Variants in ASIC2 observed in about 807,000 individuals in gnomAD.
The protein encoded by ASIC2 is acid-sensing ion channel 2.
A neutral mutation model predicts 57.3 loss-of-function variants in ASIC2; 25 were observed. The observed-to-expected ratio is 0.44, with a 90% CI of 0.32 to 0.61. The LOEUF (loss-of-function observed/expected upper bound fraction) is 0.61, where lower values mean the gene tolerates loss of function less well. Among genes scored for constraint, ASIC2 ranks in the 20% least tolerant of loss-of-function variants. The pLI, the probability that ASIC2 is intolerant of heterozygous loss-of-function variation, is 0.06. For missense variants in ASIC2, 641 were observed against 738.1 expected, an observed-to-expected ratio of 0.87 and a Z score of 1.52; for synonymous variants, 319 against 307.5, an observed-to-expected ratio of 1.04 and a Z score of -0.39.
At chr17:33,480,074 TCTA>T (rs2141926117) in intron 1 of ASIC2, among the ~76,000 whole-genome samples, 1 of 152,280 alleles carries the variant, frequency 6.6e-6, no homozygotes, top group East Asian at 1.9e-4. Flanking sequence ...TCCACCCATG[TCTA>T]AAACAAATCT....
chr17:33,693,916 C>T (rs1017207152), intron 1 of ASIC2, among the ~76,000 whole-genome samples: 4 of 152,188 alleles, frequency 2.6e-5, no homozygotes, highest in South Asian at 2.1e-4. Context: ...TCTAGTGTCA[C>T]GACCAATTTG....
intron 1 of ASIC2, among the ~76,000 whole-genome samples, chr17:33,916,695 G>T (rs1915592791): frequency 6.6e-6 from 1 of 152,180 alleles, no homozygotes; most frequent in African/African-American, 2.4e-5. Flanking sequence ...TGGGGGTAAA[G>T]GATGCAAAGA....
intron 1 of ASIC2, among the ~76,000 whole-genome samples, chr17:33,351,549 A>G (rs1021828742): frequency 6.6e-6 from 1 of 151,988 alleles, no homozygotes; most frequent in African/African-American, 2.4e-5. Context: ...TCCATGGGAT[A>G]CTCCCTCAAA....
chr17:33,781,334 C>T (rs756234024), intron 1 of ASIC2, among the ~76,000 whole-genome samples: 2 of 152,176 alleles, frequency 1.3e-5, no homozygotes, highest in African/African-American at 4.8e-5. Context: ...TTTTGTTTTG[C>T]TCAGGTGTCT....
At chr17:33,217,000 G>C (rs1907514773) in intron 1 of ASIC2, among the ~76,000 whole-genome samples, 1 of 152,202 alleles carries the variant, frequency 6.6e-6, no homozygotes, top group Non-Finnish European at 1.5e-5. Context: ...AAATTAATTG[G>C]ATGTGGAGGG....
At chr17:34,047,197 C>A (rs1597992332) in intron 1 of ASIC2, among the ~76,000 whole-genome samples, 1 of 152,152 alleles carries the variant, frequency 6.6e-6, no homozygotes, top group African/African-American at 2.4e-5. Flanking sequence ...CAGGGCTACC[C>A]ATTCACACAT....
chr17:33,727,692 C>A (rs866670329), intron 1 of ASIC2, among the ~76,000 whole-genome samples: 1 of 152,196 alleles, frequency 6.6e-6, no homozygotes, highest in East Asian at 1.9e-4. Flanking sequence ...CAGAAGCCAA[C>A]GGATGGCCAG....
At chr17:33,878,580 G>A (rs963759678) in intron 1 of ASIC2, among the ~76,000 whole-genome samples, 8 of 152,054 alleles carry the variant, frequency 5.3e-5, no homozygotes, top group South Asian at 4.2e-4. Context: ...AGAAATGAAC[G>A]AAGCCTCCAA....
intron 1 of ASIC2, among the ~76,000 whole-genome samples, chr17:33,249,022 G>A (rs1201254686): frequency 6.6e-6 from 1 of 152,190 alleles, no homozygotes; most frequent in Non-Finnish European, 1.5e-5. Context: ...GTAATGCATA[G>A]TGATGGTTTA....
intron 1 of ASIC2, among the ~76,000 whole-genome samples, chr17:33,857,930 C>T (rs1209997229): frequency 6.6e-6 from 1 of 152,216 alleles, no homozygotes; most frequent in Non-Finnish European, 1.5e-5. Context: ...TGAGCAGACG[C>T]CTGTTCACAG....
chr17:33,127,024 C>T (rs1046628499), intron 1 of ASIC2, among the ~76,000 whole-genome samples: 6 of 150,598 alleles, frequency 4.0e-5, no homozygotes, highest in Admixed American at 6.6e-5. Context: ...CCCGCCACCG[C>T]GCCCGGCTAA....
rs140238763 is a variant in ASIC2, at chr17:33,331,987, C to T, written c.556-219920G>A. On this transcript the variant is annotated intron_variant, in intron 1 of 9. Coordinates refer to the ASIC2 transcript ENST00000359872. ...TCCCTGGACCAACTGAATCAGGGCCCCTGGGGCATACATCATAGAACATTA... is the reference window on the plus strand; with the variant it reads ...TCCCTGGACCAACTGAATCAGGGCCTCTGGGGCATACATCATAGAACATTA... Among the ~76,000 whole-genome samples, 861 of 152,306 alleles carry T rather than the reference C, an allele frequency of 5.7e-3. 11 individuals are homozygous for T. The highest frequency in any genetic ancestry group is 0.02 in the African/African-American group (820 of 41,572).
intron 1 of ASIC2, among the ~76,000 whole-genome samples, chr17:33,876,370 T>C (rs575576408): frequency 6.6e-6 from 1 of 152,202 alleles, no homozygotes; most frequent in Non-Finnish European, 1.5e-5. Context: ...GGTCACTTGG[T>C]GCATGATGTG....
At chr17:33,849,692 A>G (rs776456306) in intron 1 of ASIC2, among the ~76,000 whole-genome samples, 27 of 152,184 alleles carry the variant, frequency 1.8e-4, no homozygotes, top group Non-Finnish European at 3.2e-4. Flanking sequence ...ATTCTGGAAG[A>G]CTGCATCAGA....
At chr17:33,539,453 G>C (rs910549141) in intron 1 of ASIC2, among the ~76,000 whole-genome samples, 1 of 152,242 alleles carries the variant, frequency 6.6e-6, no homozygotes, top group Non-Finnish European at 1.5e-5. Context: ...GGGCAGGAAA[G>C]CTGGAAGCAT....
intron 1 of ASIC2, among the ~76,000 whole-genome samples, chr17:33,410,067 G>A (rs951516293): frequency 2.0e-5 from 3 of 152,214 alleles, no homozygotes; most frequent in Non-Finnish European, 1.5e-5. Flanking sequence ...GAAATTGGCA[G>A]ATGGTCAGCC....
chr17:33,443,141 T>C (rs1358733142), intron 1 of ASIC2, among the ~76,000 whole-genome samples: 2 of 152,230 alleles, frequency 1.3e-5, no homozygotes, highest in Non-Finnish European at 2.9e-5. Context: ...CCTTCTTATA[T>C]GTTGATGAAT....
At chr17:33,240,203 T>C (rs1239041479) in intron 1 of ASIC2, among the ~76,000 whole-genome samples, 2 of 152,180 alleles carry the variant, frequency 1.3e-5, no homozygotes, top group African/African-American at 4.8e-5. Flanking sequence ...TGAGGGATGC[T>C]CCCAAGTTGT....
In ASIC2 at chr17:33,961,669, C is replaced by G. The variant is rs907940989; in HGVS notation, c.555+194309G>C. ...TAATTGCCTTCTCAGGTGATGATTG[C>G]TCAGACCAAGGAAGAATTTCAAAAA... On this transcript the variant is annotated intron_variant, in intron 1 of 9. Coordinates refer to the ASIC2 transcript ENST00000359872. 2.0e-5 allele frequency among the ~76,000 whole-genome samples: 3 copies of G among 152,166 alleles called. No homozygotes were observed. The South Asian group carries it at 6.2e-4, about 32-fold the overall frequency.
Sources: allele counts gnomAD v4.1 joint callset (sites outside exome capture counted in the v4.1 genomes callset), GRCh38; gene constraint gnomAD v4.1.1; transcripts MANE v1.5; gene names NCBI Gene and HGNC (gene_info 2026-07-23, HGNC 2026-07-21).